The following CCDC171 variants were observed in gnomAD, a reference collection of about 807,000 sequenced individuals.
The protein encoded by CCDC171 is coiled-coil domain-containing protein 171.
CCDC171 carries 177 observed loss-of-function variants against 168.2 expected under a neutral mutation model. That is an observed-to-expected ratio of 1.05 (90% confidence interval 0.93 to 1.19). The LOEUF (loss-of-function observed/expected upper bound fraction) is 1.19, where lower values mean the gene tolerates loss of function less well. Ranked by LOEUF, CCDC171 falls within the 50% of genes most tolerant of loss-of-function variation. The probability of loss-of-function intolerance (pLI) is 0.00; values close to 1 mark genes in which losing one functional copy is unlikely to be tolerated. For missense variants in CCDC171, 1,991 were observed against 1,539.0 expected, an observed-to-expected ratio of 1.29 and a Z score of -4.91; for synonymous variants, 687 against 540.8, an observed-to-expected ratio of 1.27 and a Z score of -3.75.
At chr9:15,885,154 A>G (rs1819216460) in intron 24 of CCDC171, among the ~76,000 whole-genome samples, 1 of 152,116 alleles carries the variant, frequency 6.6e-6, no homozygotes, top group African/African-American at 2.4e-5. Context: ...TCAAATTCCA[A>G]CTCAAGTGGT....
chr9:15,734,184 A>G (rs1480951705), intron 16 of CCDC171, among the ~76,000 whole-genome samples: 1 of 152,164 alleles, frequency 6.6e-6, no homozygotes, highest in African/African-American at 2.4e-5. Context: ...TTAGTCTTTG[A>G]CCCATCTGTA....
At chr9:15,674,998 T>A (rs2049416647) in intron 9 of CCDC171, among the ~76,000 whole-genome samples, 1 of 152,054 alleles carries the variant, frequency 6.6e-6, no homozygotes, top group South Asian at 2.1e-4. Context: ...GGAGTCTAAG[T>A]CTCTTTGTAG....
At chr9:16,093,199 G>C in the CCDC171 span, among the ~76,000 whole-genome samples, 1 of 152,214 alleles carries the variant, frequency 6.6e-6, no homozygotes, top group African/African-American at 2.4e-5. Context: ...AGAATTCTTT[G>C]ATGAAAAGCA....
chr9:15,832,597 A>G (rs1471637691), intron 21 of CCDC171, among the ~76,000 whole-genome samples: 1 of 152,206 alleles, frequency 6.6e-6, no homozygotes, highest in Non-Finnish European at 1.5e-5. Flanking sequence ...ATAGAAGATA[A>G]AAATCATATA....
At position 15,757,546 on chromosome 9, in the gene CCDC171, G is replaced by A. The variant is rs893562999; in HGVS notation, c.2671+11915G>A. On this transcript the variant is annotated intron_variant, in intron 18 of 25. Coordinates refer to ENST00000380701, the MANE Select transcript of CCDC171 (RefSeq NM_173550.4). ...GTGCAGCCTGACAATGTGGTAGACA[G>A]AAAAACCAATTTTCTGAGGAGAAAT... Among the ~76,000 whole-genome samples, 4 of 152,316 alleles carry A rather than the reference G, an allele frequency of 2.6e-5. No homozygotes were observed. In the South Asian group the frequency reaches 8.3e-4, roughly 32 times the overall value.
chr9:15,825,216 C>G (rs1197343592), intron 21 of CCDC171, among the ~76,000 whole-genome samples: 1 of 152,028 alleles, frequency 6.6e-6, no homozygotes, highest in Non-Finnish European at 1.5e-5. Flanking sequence ...CTATAGTCTC[C>G]TGCATTAAAG....
At chr9:15,715,443 A>G (rs191540788) in intron 11 of CCDC171, among the ~76,000 whole-genome samples, 1 of 152,314 alleles carries the variant, frequency 6.6e-6, no homozygotes. Flanking sequence ...TAAAATGAAA[A>G]CAGAATTTTC....
intron 1 of CCDC171, among the ~76,000 whole-genome samples, chr9:16,057,350 G>A (rs146593040): frequency 2.0e-5 from 3 of 152,326 alleles, no homozygotes; most frequent in African/African-American, 7.2e-5. Flanking sequence ...AACAGTTTCT[G>A]ATAAACGGTA....
the CCDC171 span, among the ~76,000 whole-genome samples, chr9:16,082,671 G>C: frequency 2.0e-5 from 3 of 152,326 alleles, no homozygotes; most frequent in East Asian, 5.8e-4. Context: ...GTATGTCTAA[G>C]TACACGCATG....
intron 6 of CCDC171, among the ~76,000 whole-genome samples, chr9:15,603,107 G>T (rs2042981244): frequency 6.6e-6 from 1 of 151,802 alleles, no homozygotes; most frequent in South Asian, 2.1e-4. Context: ...TCAGCCTCCC[G>T]AGTGGCTGGG....
intron 1 of CCDC171, among the ~76,000 whole-genome samples, chr9:15,555,895 CGTT>C (rs370144676): frequency 0.054 from 8,253 of 152,068 alleles, 277 homozygotes; most frequent in African/African-American, 0.085. Context: ...CAAGTATTCT[CGTT>C]GTTCAATTCC....
chr9:15,791,964 G>A (rs1373083238), intron 21 of CCDC171, among the ~76,000 whole-genome samples: 1 of 152,198 alleles, frequency 6.6e-6, no homozygotes, highest in Non-Finnish European at 1.5e-5. Context: ...ATGGAACAAA[G>A]CTGGATGGAG....
intron 7 of CCDC171, among the ~76,000 whole-genome samples, chr9:15,630,278 C>A (rs1222240655): frequency 6.6e-6 from 1 of 152,108 alleles, no homozygotes; most frequent in African/African-American, 2.4e-5. Context: ...ATTCAGGAAA[C>A]CCATCTCACG....
chr9:15,806,055 C>T (rs1174422518), intron 21 of CCDC171, among the ~76,000 whole-genome samples: 2 of 152,152 alleles, frequency 1.3e-5, no homozygotes, highest in African/African-American at 2.4e-5. Flanking sequence ...AGTATTGCAA[C>T]CCCTGCTTTG....
At chr9:15,754,213 CATT>C (rs1271421389) in intron 18 of CCDC171, among the ~76,000 whole-genome samples, 1 of 152,046 alleles carries the variant, frequency 6.6e-6, no homozygotes, top group Non-Finnish European at 1.5e-5. Context: ...AACAGGTAAA[CATT>C]ATTGTATGGT....
At chr9:15,932,865 T>C (rs1826691450) in intron 25 of CCDC171, among the ~76,000 whole-genome samples, 1 of 151,978 alleles carries the variant, frequency 6.6e-6, no homozygotes, top group South Asian at 2.1e-4. Flanking sequence ...GATCATATTT[T>C]GTCTTTATGT....
At chr9:16,021,877 C>T (rs1278936598) in intron 4 of CCDC171, among the ~76,000 whole-genome samples, 1 of 152,162 alleles carries the variant, frequency 6.6e-6, no homozygotes, top group Non-Finnish European at 1.5e-5. Flanking sequence ...CATGCAGAAT[C>T]CCCTGCTGAT....
chr9:15,723,536 C>G, intron 12 of CCDC171, 145 bp from the exon 13 acceptor site: 2 of 613,888 alleles, frequency 3.3e-6, no homozygotes, highest in Non-Finnish European at 5.7e-6. Flanking sequence ...TTTTTAAAGA[C>G]TCTTAATTAC....
At chr9:15,587,475 C>T (rs1206761640) in intron 4 of CCDC171, 6 of 360,954 alleles carry the variant, frequency 1.7e-5, no homozygotes, top group Non-Finnish European at 2.8e-5. Flanking sequence ...TGTGAGGCTT[C>T]CCCAGCCATG....
Sources: allele counts gnomAD v4.1 joint callset (sites outside exome capture counted in the v4.1 genomes callset), GRCh38; gene constraint gnomAD v4.1.1; transcripts MANE v1.5; gene names NCBI Gene and HGNC (gene_info 2026-07-23, HGNC 2026-07-21).